Variants in PDIA6 observed in about 807,000 individuals in gnomAD.
The protein encoded by PDIA6 is protein disulfide isomerase family A member 6.
A neutral mutation model predicts 58.4 loss-of-function variants in PDIA6; 29 were observed. That is an observed-to-expected ratio of 0.50 (90% CI 0.37 to 0.68). PDIA6 has a LOEUF of 0.68. Ranked by LOEUF, PDIA6 falls within the 30% of genes least tolerant of loss-of-function variation. The probability of loss-of-function intolerance (pLI) is 0.00; values close to 1 mark genes in which losing one functional copy is unlikely to be tolerated. For missense variants in PDIA6, 480 were observed against 551.0 expected, an observed-to-expected ratio of 0.87 and a Z score of 1.29; for synonymous variants, 192 against 202.6, an observed-to-expected ratio of 0.95 and a Z score of 0.44.
At chr2:10,803,821 C>A (rs1399857023) in intron 1 of PDIA6, among the ~76,000 whole-genome samples, 1 of 151,834 alleles carries the variant, frequency 6.6e-6, no homozygotes, top group Non-Finnish European at 1.5e-5. Flanking sequence ...TATAATGGAG[C>A]TTAAAAAATC....
chr2:10,788,065 C>A (rs867966378), intron 10 of PDIA6, among the ~76,000 whole-genome samples: 428 of 101,876 alleles, frequency 4.2e-3, no homozygotes, highest in South Asian at 6.3e-3. Flanking sequence ...GACTCTGTCT[C>A]AAAAAAAAAA....
chr2:10,809,540 G>A (rs998029984), intron 1 of PDIA6, among the ~76,000 whole-genome samples: 38 of 142,032 alleles, frequency 2.7e-4, no homozygotes, highest in African/African-American at 9.5e-4. Flanking sequence ...ATACAAAAAT[G>A]CAAAAATTAG....
At position 10,785,037 on chromosome 2, in the gene PDIA6, G is replaced by A. The variant is rs1436098046; in HGVS notation, c.1158-7C>T. 6.4e-6 allele frequency: 10 copies of A among 1,555,140 alleles called. No homozygotes were observed. Among genetic ancestry groups the A allele is most frequent in the Middle Eastern group, 1.7e-4 (1 of 6,008 alleles). On this transcript the variant is annotated splice_polypyrimidine_tract_variant and splice_region_variant and intron_variant, in intron 11 of 12. Transcript: ENST00000272227. ...ACGCCCAAAAGAGAGCTCCCTTAGGGAAAAATGACCAAAACACACACACAC... is the reference window on the plus strand; with the variant it reads ...ACGCCCAAAAGAGAGCTCCCTTAGGAAAAAATGACCAAAACACACACACAC...
chr2:10,790,022 A>C, intron 7 of PDIA6, 133 bp from the exon 8 acceptor site: 1 of 696,814 alleles, frequency 1.4e-6, no homozygotes, highest in Non-Finnish European at 2.3e-6. Context: ...TCTGTTGCCC[A>C]GGCTGGAGAG....
Position 10,789,748 on chromosome 2 carries a change from C to T in PDIA6, c.840+1G>A, listed in dbSNP as rs111283404. 6.2e-7 allele frequency: 1 copy of T among 1,613,452 alleles called. No homozygotes were observed. The highest frequency in any genetic ancestry group is 1.3e-5 in the African/African-American group (1 of 74,990). On this transcript the variant is annotated splice_donor_variant, in intron 8 of 12. Coordinates refer to ENST00000272227, the MANE Select transcript of PDIA6 (RefSeq NM_005742.4). LOFTEE classifies it high-confidence loss of function. ...GACTACAAGCAGTTGAAGTGGTTTA[C>T]CTCAAGCAGCTCAGGAGGTGGGGCG...
intron 1 of PDIA6, among the ~76,000 whole-genome samples, chr2:10,827,142 C>G (rs1010350512): frequency 2.0e-5 from 3 of 152,208 alleles, no homozygotes; most frequent in Non-Finnish European, 4.4e-5. Flanking sequence ...CGGCTCACTG[C>G]AACCTCCGCC....
upstream of PDIA6, among the ~76,000 whole-genome samples, chr2:10,813,696 C>T (rs900821671): frequency 2.6e-5 from 4 of 151,590 alleles, no homozygotes; most frequent in Admixed American, 1.3e-4. Flanking sequence ...AGTGCAAAGG[C>T]GGGGTCTTGG....
chr2:10,828,123 C>G (rs1667606729), intron 1 of PDIA6, among the ~76,000 whole-genome samples: 1 of 152,040 alleles, frequency 6.6e-6, no homozygotes, highest in Admixed American at 6.5e-5. Context: ...TCCCCCAGAG[C>G]CCACAGTTTA....
At chr2:10,819,782 CT>C (rs5829278) in intron 1 of PDIA6, among the ~76,000 whole-genome samples, 18,659 of 152,212 alleles carry the variant, frequency 0.12, 1,420 homozygotes, top group African/African-American at 0.2. Flanking sequence ...TTAAACACTG[CT>C]TTATTTAAAT....
chr2:10,817,544 A>G (rs916077259), upstream of PDIA6, among the ~76,000 whole-genome samples: 16 of 152,240 alleles, frequency 1.1e-4, no homozygotes, highest in African/African-American at 3.6e-4. Context: ...GCAGCCAGGT[A>G]TATACTGCCT....
intron 3 of PDIA6, 107 bp downstream of exon 3, chr2:10,797,593 A>G (rs1021970969): frequency 2.6e-6 from 2 of 769,116 alleles, no homozygotes; most frequent in South Asian, 1.6e-5. Context: ...TGAACATTAA[A>G]CCATCTGCAT....
At chr2:10,828,774 T>C (rs948916143) in intron 1 of PDIA6, among the ~76,000 whole-genome samples, 1 of 152,172 alleles carries the variant, frequency 6.6e-6, no homozygotes, top group African/African-American at 2.4e-5. Flanking sequence ...AACCCCTGCT[T>C]TGGAGGGGGC....
chr2:10,787,534 A>G lies in PDIA6; in HGVS notation c.999-95T>C, dbSNP rs1298787746. The G allele has an allele frequency of 2.4e-5, 28 of 1,151,022 alleles. No homozygotes were observed. The South Asian group carries it at 3.0e-4, about 12-fold the overall frequency. 71.3% of individuals were successfully genotyped at this position (1,151,022 alleles called of 1,614,324 possible). A position where few individuals can be genotyped will look rare whatever the true frequency, so the allele number is the denominator to read the frequency against. On this transcript the variant is annotated intron_variant, in intron 10 of 12. Transcript: ENST00000272227. ...TAGAGAACAAAAGATCACGCTTCAGATATTTCGTAGAATGACAAATAAAAA... is the reference window on the plus strand; with the variant it reads ...TAGAGAACAAAAGATCACGCTTCAGGTATTTCGTAGAATGACAAATAAAAA...
At chr2:10,810,332 T>C in intron 1 of PDIA6, 1 of 1,527,012 alleles carries the variant, frequency 6.5e-7, no homozygotes, top group Non-Finnish European at 8.7e-7. Context: ...TTAGGTAGAC[T>C]GTGGCAGAAT....
At chr2:10,832,302 A>T in exon 1 of PDIA6, 1 of 550,146 alleles carries the variant, frequency 1.8e-6, no homozygotes, top group Non-Finnish European at 2.3e-6. Flanking sequence ...GCCCATCAGC[A>T]GTGGAAGGAT....
upstream of PDIA6, among the ~76,000 whole-genome samples, chr2:10,816,115 T>G (rs1459320317): frequency 7.2e-6 from 1 of 138,450 alleles, no homozygotes; most frequent in Admixed American, 7.2e-5. Flanking sequence ...GGAGTTTCAC[T>G]CTTGTTGCCC....
Position 10,793,145 on chromosome 2 carries a change from AC to A in PDIA6, c.403del (p.Val135Ter). 1 of 1,614,166 alleles carries A rather than the reference AC, an allele frequency of 6.2e-7. No homozygotes were observed. Among genetic ancestry groups the A allele is most frequent in the Non-Finnish European group, 8.5e-7 (1 of 1,179,988 alleles). On this transcript the variant is annotated frameshift_variant, in exon 5 of 13. Transcript: ENST00000272227. LOFTEE classifies it high-confidence loss of function. ...DAALSALRQL[V>X]KDRLGGRSGG... ...GCTCCGTCCCCCGAGGCGATCCTTC[AC>A]GAGCTGGCGCAGAGCACTCAGCGCA...
chr2:10,834,716 T>TCCCC (rs1667787355), upstream of PDIA6, among the ~76,000 whole-genome samples: 1 of 19,956 alleles, frequency 5.0e-5, no homozygotes, highest in Non-Finnish European at 1.1e-4. Context: ...CCTCCCTCCC[T>TCCCC]CCCTCCCTTC....
Position 10,795,345 on chromosome 2 carries a change from C to G in PDIA6, c.346+1736G>C, listed in dbSNP as rs1666219851. Among the ~76,000 whole-genome samples, 4 of 152,204 alleles carry G rather than the reference C, an allele frequency of 2.6e-5. No homozygotes were observed. In the South Asian group the frequency reaches 8.3e-4, roughly 32 times the overall value. The stretch of plus-strand genomic sequence containing the variant: ...ACTGCACTAAAAACATGTGCATTTT[C>G]ATAAGTGAGGAAAACTAAAACAAAT... On this transcript the variant is annotated intron_variant, in intron 4 of 12. Transcript: ENST00000272227.
Sources: allele counts gnomAD v4.1 joint callset (sites outside exome capture counted in the v4.1 genomes callset), GRCh38; gene constraint gnomAD v4.1.1; transcripts MANE v1.5; gene names NCBI Gene and HGNC (gene_info 2026-07-23, HGNC 2026-07-21).